The following MMD variants were observed in gnomAD, a reference collection of about 807,000 sequenced individuals.
MMD encodes monocyte to macrophage differentiation factor.
A neutral mutation model predicts 33.6 loss-of-function variants in MMD; 22 were observed. That is an observed-to-expected ratio of 0.66 (90% CI 0.47 to 0.94). The LOEUF (loss-of-function observed/expected upper bound fraction) is 0.94. MMD is among the 40% of genes least tolerant of loss of function. The pLI, the probability that MMD is intolerant of heterozygous loss-of-function variation, is 0.00. For missense variants in MMD, 242 were observed against 309.8 expected, an observed-to-expected ratio of 0.78 and a Z score of 1.64; for synonymous variants, 97 against 103.2, an observed-to-expected ratio of 0.94 and a Z score of 0.36.
Position 55,421,660 on chromosome 17 carries a change from T to C in MMD, c.26+10A>G. On this transcript the variant is annotated intron_variant, in intron 1 of 6. Coordinates refer to ENST00000262065, the MANE Select transcript of MMD (RefSeq NM_012329.3). ...CACGGGCAGCGGGACCGGGACGCCA[T>C]CCCTCTCACCGCTGGAATCGATTCT... 1 of 1,598,942 alleles carries C rather than the reference T, an allele frequency of 6.3e-7. No individual in the cohort carries two copies. Among genetic ancestry groups the C allele is most frequent in the Non-Finnish European group, 8.5e-7 (1 of 1,173,638 alleles).
intron 1 of MMD, among the ~76,000 whole-genome samples, chr17:55,416,461 G>T (rs990050660): frequency 6.6e-6 from 1 of 152,110 alleles, no homozygotes; most frequent in African/African-American, 2.4e-5. Context: ...TGATGCACAG[G>T]GTAAGACACG....
Position 55,411,257 on chromosome 17 carries a change from C to A in MMD, c.269G>T (p.Arg90Met), listed in dbSNP as rs1368960987. 1.7e-5 allele frequency: 28 copies of A among 1,612,112 alleles called. No individual in the cohort carries two copies. The highest frequency in any genetic ancestry group is 2.3e-5 in the Non-Finnish European group (27 of 1,179,222). ...TGAAACAGCATGTCATCCACTGTAC[C>A]TTAAGTGGCTCTTTTTCCATGATAC... ...HIVSWKKSHL[R>M]TVEHCFHMCD... Residue 90 changes from arginine to methionine, a missense_variant and splice_region_variant, in exon 3 of 7, where the codon AGG (arginine) becomes ATG (methionine). By Grantham distance (91) the Arg-to-Met change is moderately conservative. Transcript: ENST00000262065.
At chr17:55,418,220 G>C (rs1450565441) in intron 1 of MMD, among the ~76,000 whole-genome samples, 1 of 152,170 alleles carries the variant, frequency 6.6e-6, no homozygotes, top group Admixed American at 6.5e-5. Flanking sequence ...GTCACAATTG[G>C]TAAGACTTTG....
At chr17:55,413,674 T>A (rs1254163287) in intron 2 of MMD, among the ~76,000 whole-genome samples, 3 of 152,178 alleles carry the variant, frequency 2.0e-5, no homozygotes, top group Non-Finnish European at 4.4e-5. Context: ...TGGAATAACA[T>A]CTCCTCTGGG....
At chr17:55,414,288 GAGGAAACCCACC>G in intron 1 of MMD, 56 bp from the exon 2 acceptor site, 1 of 1,525,056 alleles carries the variant, frequency 6.6e-7, no homozygotes, top group Non-Finnish European at 9.1e-7. Context: ...GAAGAACAAT[GAGGAAACCCACC>G]AGTGGGTATG....
rs1227112879 is a variant in MMD, at chr17:55,411,313, G to A, written c.213C>T (p.Ala71=). The change falls in exon 3 of 7, where the codon GCC becomes GCT. Residue 71 remains alanine (A), a synonymous_variant. Coordinates refer to ENST00000262065, the MANE Select transcript of MMD (RefSeq NM_012329.3). ...GAAATACTGTAGAAACGATGAAGAG[G>A]GCACAGAGTCCCATTCCATAAATCC... is the stretch of plus-strand genomic sequence containing the variant. The part of the protein sequence containing the change: ...TAWIYGMGLC[A]LFIVSTVFHI... The A allele has an allele frequency of 3.1e-6, 5 of 1,614,112 alleles. No individual in the cohort carries two copies. Among genetic ancestry groups the A allele is most frequent in the African/African-American group, 1.3e-5 (1 of 75,044 alleles).
Position 55,411,132 on chromosome 17 carries a change from A to T in MMD, c.269+125T>A. The T allele has an allele frequency of 3.7e-6, 4 of 1,075,032 alleles. No homozygotes were observed. In the South Asian group the frequency reaches 4.9e-5, roughly 13 times the overall value. 66.6% of individuals were successfully genotyped at this position (1,075,032 alleles called of 1,614,324 possible). ...GTCCTGAATAATGGGATAGTATTCT[A>T]GTCTACAAGGCAGAAAAATGTCTAC... On this transcript the variant is annotated intron_variant, in intron 3 of 6. Transcript: ENST00000262065.
Position 55,394,221 on chromosome 17 carries a change from T to C in MMD, c.*113A>G, listed in dbSNP as rs1385265356. 5 of 774,632 alleles carry C rather than the reference T, an allele frequency of 6.5e-6. No homozygotes were observed. Among genetic ancestry groups the C allele is most frequent in the East Asian group, 3.0e-5 (1 of 33,266 alleles). The allele number at this position is 774,632 out of a possible 1,614,324, so 48.0% of individuals were successfully genotyped here. ...TTTCACAGTAATTATATTCAAAAGA[T>C]ATAAAGTCAGTGCAGTTATTTTTTT... On this transcript the variant is annotated 3_prime_UTR_variant, in exon 7 of 7. Transcript: ENST00000262065.
intron 5 of MMD, 99 bp from the exon 6 acceptor site, chr17:55,401,637 T>A: frequency 1.0e-6 from 1 of 978,630 alleles, no homozygotes; most frequent in Non-Finnish European, 1.5e-6. Context: ...GAAAGAAATG[T>A]AAACTCTTAA....
intron 6 of MMD, among the ~76,000 whole-genome samples, chr17:55,397,032 C>T (rs769293724): frequency 6.6e-6 from 1 of 152,204 alleles, no homozygotes; most frequent in Non-Finnish European, 1.5e-5. Flanking sequence ...TATTTCTCCA[C>T]CCCATCCATT....
At chr17:55,405,839 A>T (rs1307664900) in intron 4 of MMD, among the ~76,000 whole-genome samples, 6 of 152,244 alleles carry the variant, frequency 3.9e-5, no homozygotes, top group Non-Finnish European at 4.4e-5. Context: ...TAATGACTAC[A>T]ATAGATGATT....
At chr17:55,418,793 C>T (rs1174583531) in intron 1 of MMD, among the ~76,000 whole-genome samples, 1 of 152,194 alleles carries the variant, frequency 6.6e-6, no homozygotes, top group Non-Finnish European at 1.5e-5. Context: ...ACTTCTAATA[C>T]TGTAGATTAA....
At position 55,393,034 on chromosome 17, in the gene MMD, C is replaced by G. The variant is rs1241043428; in HGVS notation, c.*1300G>C. 2.6e-5 allele frequency: 4 copies of G among 152,090 alleles called. No homozygotes were observed. Among genetic ancestry groups the G allele is most frequent in the Non-Finnish European group, 4.4e-5 (3 of 68,022 alleles). The allele number at this position is 152,090 out of a possible 1,614,324, so 9.4% of individuals were successfully genotyped here. On this transcript the variant is annotated 3_prime_UTR_variant, in exon 7 of 7. Transcript: ENST00000262065. ...TACTAGGAAACAGGCAATATCAGCA[C>G]CCGATCTAAAGGCAAGCCTATTTCA...
intron 5 of MMD, 23 bp downstream of exon 5, chr17:55,403,743 CA>C: frequency 1.9e-6 from 3 of 1,563,998 alleles, no homozygotes; most frequent in Non-Finnish European, 2.6e-6. Flanking sequence ...TTAAAACTAT[CA>C]AATGTAAATT....
intron 5 of MMD, among the ~76,000 whole-genome samples, chr17:55,403,443 G>A (rs1907422921): frequency 6.6e-6 from 1 of 152,086 alleles, no homozygotes; most frequent in Non-Finnish European, 1.5e-5. Flanking sequence ...CAAGTGGCTG[G>A]TTTTCTCACG....
rs185726108 is a variant in MMD at position 55,415,281 on chromosome 17, A to T, written c.27-1049T>A. 1.2e-4 allele frequency among the ~76,000 whole-genome samples: 18 copies of T among 152,298 alleles called. No individual in the cohort carries two copies. In the East Asian group the frequency reaches 3.5e-3, roughly 29 times the overall value. On this transcript the variant is annotated intron_variant, in intron 1 of 6. Coordinates refer to ENST00000262065, the MANE Select transcript of MMD (RefSeq NM_012329.3). ...TGCACAGAAACAGACGGACGTAAAAAAAAAAAAAAATTTCAACAGCATTCA... is the reference window on the plus strand; with the variant it reads ...TGCACAGAAACAGACGGACGTAAAATAAAAAAAAAATTTCAACAGCATTCA...
intron 1 of MMD, among the ~76,000 whole-genome samples, chr17:55,416,913 G>GT (rs1247307309): frequency 1.3e-5 from 2 of 152,078 alleles, no homozygotes; most frequent in African/African-American, 2.4e-5. Flanking sequence ...GTTAGGCAGA[G>GT]TTTTTTTACT....
chr17:55,392,680 T>C lies in MMD; in HGVS notation c.*1654A>G, dbSNP rs914781618. The stretch of plus-strand genomic sequence containing the variant: ...AATTTTTACATACATATTAGTGGTT[T>C]TGACAGTGTTACTTTTGAGTAGACC... On this transcript the variant is annotated 3_prime_UTR_variant, in exon 7 of 7. Coordinates refer to ENST00000262065, the MANE Select transcript of MMD (RefSeq NM_012329.3). The C allele has an allele frequency of 1.3e-5, 2 of 152,644 alleles. No homozygotes were observed. Among genetic ancestry groups the C allele is most frequent in the Non-Finnish European group, 2.9e-5 (2 of 68,040 alleles). 9.5% of individuals were successfully genotyped at this position (152,644 alleles called of 1,614,324 possible). A position where few individuals can be genotyped will look rare whatever the true frequency, so the allele number is the denominator to read the frequency against.
intron 4 of MMD, chr17:55,404,537 A>G: frequency 3.0e-6 from 3 of 985,352 alleles, no homozygotes; most frequent in Non-Finnish European, 3.6e-6. Context: ...ACAAACCTTA[A>G]TGAGAAGAAC....
Sources: allele counts gnomAD v4.1 joint callset (sites outside exome capture counted in the v4.1 genomes callset), GRCh38; gene constraint gnomAD v4.1.1; transcripts MANE v1.5; gene names NCBI Gene and HGNC (gene_info 2026-07-23, HGNC 2026-07-21).